BOLL: variants seen among roughly 807,000 people sequenced by gnomAD.
BOLL encodes boule RNA binding protein.
Under a neutral mutation model 44.4 loss-of-function variants are expected in BOLL, and 23 were observed. That is an observed-to-expected ratio of 0.52 (90% confidence interval 0.37 to 0.73). The LOEUF (loss-of-function observed/expected upper bound fraction) is 0.73, where lower values mean the gene tolerates loss of function less well. Ranked by LOEUF, BOLL falls within the 30% of genes least tolerant of loss-of-function variation. The pLI, the probability that BOLL is intolerant of heterozygous loss-of-function variation, is 0.00. For synonymous variants in BOLL, 97 were observed against 110.8 expected (o/e 0.88, Z 0.78); for missense variants, 287 against 338.3 (o/e 0.85, Z 1.19).
chr2:197,766,591 A>C lies in BOLL; in HGVS notation c.493T>G (p.Cys165Gly), dbSNP rs143157211. 2 of 1,612,200 alleles carry C rather than the reference A, an allele frequency of 1.2e-6. No homozygotes were observed. Among genetic ancestry groups the C allele is most frequent in the Admixed American group, 3.3e-5 (2 of 59,848 alleles). The change falls in exon 7 of 11, where the codon TGT becomes GGT. Residue 165 changes from cysteine to glycine, a missense_variant. Cys to Gly is a radical substitution (Grantham distance 159, BLOSUM62 -3). Transcript: ENST00000392296. ...TGAGCTACCATCACAGGGGAGCTAC[A>C]TACAGAACGTGACTATAAAAGGATG... ...VPPPWPSRSVCSSPVMVAQPI... is the reference protein window; with the variant it reads ...VPPPWPSRSVGSSPVMVAQPI...
intron 10 of BOLL, among the ~76,000 whole-genome samples, chr2:197,729,293 G>A (rs943884283): frequency 1.3e-5 from 2 of 152,210 alleles, no homozygotes; most frequent in African/African-American, 2.4e-5. Context: ...ATTATATCTC[G>A]CACCTGGCTC....
chr2:197,736,058 G>T (rs1433666877), intron 10 of BOLL, among the ~76,000 whole-genome samples: 4 of 152,022 alleles, frequency 2.6e-5, no homozygotes, highest in African/African-American at 9.7e-5. Flanking sequence ...TCCTGGATCT[G>T]CCACTTACTC....
At chr2:197,767,004 G>A (rs2106368099) in intron 6 of BOLL, among the ~76,000 whole-genome samples, 1 of 152,084 alleles carries the variant, frequency 6.6e-6, no homozygotes, top group Admixed American at 6.6e-5. Context: ...AGAACTGAAT[G>A]AATAGTCGTA....
intron 10 of BOLL, among the ~76,000 whole-genome samples, chr2:197,729,699 G>T (rs1687055241): frequency 6.6e-6 from 1 of 152,220 alleles, no homozygotes; most frequent in African/African-American, 2.4e-5. Flanking sequence ...CCCACCAGGG[G>T]CACACTGACA....
chr2:197,736,464 T>C (rs892405961), intron 10 of BOLL, among the ~76,000 whole-genome samples: 12 of 152,272 alleles, frequency 7.9e-5, no homozygotes, highest in Non-Finnish European at 1.6e-4. Context: ...AATAGGTCTG[T>C]AGTTTACTTA....
chr2:197,780,769 G>A (rs1300871734), intron 2 of BOLL, among the ~76,000 whole-genome samples: 1 of 91,452 alleles, frequency 1.1e-5, no homozygotes, highest in Non-Finnish European at 2.1e-5. Context: ...ACACCTAATG[G>A]CATAAGGAAG....
At chr2:197,740,882 C>G (rs1553611375) in intron 10 of BOLL, among the ~76,000 whole-genome samples, 1 of 152,010 alleles carries the variant, frequency 6.6e-6, no homozygotes, top group Non-Finnish European at 1.5e-5. Context: ...ATGGTTGAAA[C>G]AGAAAATTTT....
chr2:197,748,428 T>A (rs1457374943), intron 9 of BOLL, among the ~76,000 whole-genome samples: 1 of 152,180 alleles, frequency 6.6e-6, no homozygotes, highest in Non-Finnish European at 1.5e-5. Context: ...AGGAGCCAAG[T>A]GGTCTTGCTC....
At position 197,734,967 on chromosome 2, in the gene BOLL, A is replaced by T. The variant is rs540887179; in HGVS notation, c.829-6389T>A. 4.6e-5 allele frequency among the ~76,000 whole-genome samples: 7 copies of T among 152,006 alleles called. No homozygotes were observed. In the East Asian group the frequency reaches 9.6e-4, roughly 21 times the overall value. On this transcript the variant is annotated intron_variant, in intron 10 of 10. Coordinates refer to ENST00000392296, the MANE Select transcript of BOLL (RefSeq NM_033030.6). Reference sequence around the variant, plus strand: ...CTTAAAGTATAATAATAATAAAATTAAAAAAAAGAATTCTATTTAAAGTCT... The same window carrying T: ...CTTAAAGTATAATAATAATAAAATTTAAAAAAAGAATTCTATTTAAAGTCT...
intron 10 of BOLL, among the ~76,000 whole-genome samples, chr2:197,732,107 A>G (rs1177517783): frequency 6.6e-6 from 1 of 151,846 alleles, no homozygotes; most frequent in Non-Finnish European, 1.5e-5. Context: ...AATAGACGCA[A>G]TAAAAAATGA....
chr2:197,730,859 A>G (rs963384146), intron 10 of BOLL, among the ~76,000 whole-genome samples: 6 of 152,204 alleles, frequency 3.9e-5, no homozygotes, highest in Non-Finnish European at 7.3e-5. Context: ...CTGCAAAATC[A>G]TGCCAAAATG....
chr2:197,785,940 T>A, upstream of BOLL: 1 of 1,499,954 alleles, frequency 6.7e-7, no homozygotes, highest in Non-Finnish European at 9.2e-7. The surrounding 1 kb of genome is among the most constrained non-coding windows in gnomAD (Gnocchi z 6.7). Flanking sequence ...CTGCTCCTTC[T>A]CCCCGCTATC....
rs529080017 is a variant in BOLL at position 197,761,892 on chromosome 2, G to A, written c.553-4492C>T. On this transcript the variant is annotated intron_variant, in intron 7 of 10. Coordinates refer to ENST00000392296, the MANE Select transcript of BOLL (RefSeq NM_033030.6). The stretch of plus-strand genomic sequence containing the variant: ...ATATAATAATATAGGGATCAATTCC[G>A]CAAGAGAATATAACAATGTAATACA... Among the ~76,000 whole-genome samples, 57 of 123,180 alleles carry A rather than the reference G, an allele frequency of 4.6e-4. 1 individual carries two copies. Among genetic ancestry groups the A allele is most frequent in the Middle Eastern group, 4.2e-3 (1 of 236 alleles). 80.8% of individuals were successfully genotyped at this position (123,180 alleles called of 152,430 possible).
intron 6 of BOLL, among the ~76,000 whole-genome samples, chr2:197,769,057 G>A (rs959993733): frequency 6.6e-6 from 1 of 151,786 alleles, no homozygotes; most frequent in Non-Finnish European, 1.5e-5. Context: ...GCTGGATTCG[G>A]TTTGCCAGTA....
chr2:197,728,409 T>A lies in BOLL; in HGVS notation c.*146A>T. On this transcript the variant is annotated 3_prime_UTR_variant, in exon 11 of 11. Coordinates refer to ENST00000392296, the MANE Select transcript of BOLL (RefSeq NM_033030.6). Reference sequence around the variant, plus strand: ...TTCATCAAATTTAGACAGCTTATAGTGGAATAACTGAGTATGGTGAGGTAT... The same window carrying A: ...TTCATCAAATTTAGACAGCTTATAGAGGAATAACTGAGTATGGTGAGGTAT... The A allele has an allele frequency of 1.6e-6, 2 of 1,285,298 alleles. No individual in the cohort carries two copies. Among genetic ancestry groups the A allele is most frequent in the South Asian group, 2.7e-5 (2 of 74,656 alleles). 79.6% of individuals were successfully genotyped at this position (1,285,298 alleles called of 1,614,324 possible). A position where few individuals can be genotyped will look rare whatever the true frequency, so the allele number is the denominator to read the frequency against.
chr2:197,750,561 T>A (rs904024966), intron 9 of BOLL, among the ~76,000 whole-genome samples: 3 of 152,180 alleles, frequency 2.0e-5, no homozygotes, highest in Non-Finnish European at 4.4e-5. Flanking sequence ...GGGCATTACA[T>A]AATGGTAAAG....
intron 10 of BOLL, among the ~76,000 whole-genome samples, chr2:197,731,833 A>G (rs1346781964): frequency 1.3e-5 from 2 of 151,854 alleles, no homozygotes; most frequent in Admixed American, 6.6e-5. Flanking sequence ...AGAGAAATTT[A>G]TAGCACTAAA....
At chr2:197,766,476 TA>T (rs1261398635) in intron 7 of BOLL, 55 bp downstream of exon 7, 5 of 1,362,632 alleles carry the variant, frequency 3.7e-6, no homozygotes, top group African/African-American at 1.4e-5. Context: ...AAATGAAAGT[TA>T]GCTAAGAAAG....
chr2:197,775,693 T>C lies in BOLL; in HGVS notation c.324A>G (p.Ala108=). 5 of 1,567,512 alleles carry C rather than the reference T, an allele frequency of 3.2e-6. No individual in the cohort carries two copies. Among genetic ancestry groups the C allele is most frequent in the Non-Finnish European group, 4.3e-6 (5 of 1,155,490 alleles). ...GGATCCCTACTTGTTGTTTTCTTAT[T>C]GCTGGACCAATGTTCAGCTTCTTAT... is the stretch of plus-strand genomic sequence containing the variant. ...YKDKKLNIGP[A]IRKQQVGIPR... is the part of the protein sequence containing the mutation. The change falls in exon 5 of 11, where the codon GCA becomes GCG. Residue 108 remains alanine, a synonymous_variant. Transcript: ENST00000392296.
Sources: gnomAD v4.1 joint callset for allele counts (sites outside exome capture counted in the v4.1 genomes callset) on GRCh38, gnomAD v4.1.1 for gene constraint, Gnocchi (gnomAD v3.1) non-coding constraint, MANE v1.5 for transcripts, NCBI Gene and HGNC (gene_info 2026-07-23, HGNC 2026-07-21) for gene names.